ADGRL2: variants seen among roughly 807,000 people sequenced by gnomAD.
The protein encoded by ADGRL2 is calcium-independent alpha-latrotoxin receptor 2.
A neutral mutation model predicts 157.4 loss-of-function variants in ADGRL2; 44 were observed. The ratio of observed to expected loss-of-function variants is 0.28; its 90% CI spans 0.22 to 0.36. The LOEUF is 0.36. ADGRL2 is among the 10% of genes least tolerant of loss of function. The pLI is 1.00. For synonymous variants in ADGRL2, 585 were observed against 624.7 expected (o/e 0.94, Z 0.95); for missense variants, 1,510 against 1,768.9 (o/e 0.85, Z 2.63).
intron 3 of ADGRL2, among the ~76,000 whole-genome samples, chr1:81,620,214 G>A (rs781122126): frequency 6.6e-6 from 1 of 152,086 alleles, no homozygotes; most frequent in Admixed American, 6.5e-5. Context: ...CAATACATAG[G>A]CAATACTGGT....
At chr1:81,895,582 A>G (rs888866980) in intron 2 of ADGRL2, among the ~76,000 whole-genome samples, 5 of 151,654 alleles carry the variant, frequency 3.3e-5, no homozygotes, top group South Asian at 4.2e-4. Flanking sequence ...TTTAGTAGAG[A>G]CGGGGTTTCA....
chr1:81,797,366 A>C (rs709691), upstream of ADGRL2, among the ~76,000 whole-genome samples: 2 of 152,094 alleles, frequency 1.3e-5, no homozygotes, highest in East Asian at 3.9e-4. Flanking sequence ...GCAAAAATAC[A>C]CTCCCCATAA....
At chr1:81,868,276 C>T (rs533407985) in intron 2 of ADGRL2, among the ~76,000 whole-genome samples, 1 of 152,198 alleles carries the variant, frequency 6.6e-6, no homozygotes, top group Non-Finnish European at 1.5e-5. Flanking sequence ...GACTAAATTA[C>T]AAATAGGGTA....
intron 2 of ADGRL2, among the ~76,000 whole-genome samples, chr1:81,563,109 C>T (rs1229313095): frequency 3.9e-5 from 6 of 152,110 alleles, no homozygotes; most frequent in African/African-American, 1.4e-4. Context: ...GAATGTTAGA[C>T]TGTTTACAGC....
In ADGRL2 at chr1:81,704,439, G is replaced by A. The variant is rs530580628; in HGVS notation, c.-143+4631G>A. Reference sequence around the variant, plus strand: ...GGCCTGGATATGGTCTAACAGGGGCGCTGAGCATTGAGATTCCTGGAGAGA... The same window carrying A: ...GGCCTGGATATGGTCTAACAGGGGCACTGAGCATTGAGATTCCTGGAGAGA... On this transcript the variant is annotated intron_variant, in intron 1 of 20. Coordinates refer to the ADGRL2 transcript ENST00000359929. Among the ~76,000 whole-genome samples the A allele has an allele frequency of 2.4e-3, 361 of 152,264 alleles. 2 individuals carry two copies. Among genetic ancestry groups the A allele is most frequent in the African/African-American group, 8.1e-3 (337 of 41,558 alleles).
chr1:81,641,727 A>C (rs1387058990), intron 3 of ADGRL2, among the ~76,000 whole-genome samples: 1 of 152,198 alleles, frequency 6.6e-6, no homozygotes, highest in Admixed American at 6.5e-5. Context: ...ATTAGGAAAA[A>C]GGAAATATCT....
intron 2 of ADGRL2, among the ~76,000 whole-genome samples, chr1:81,766,262 C>T (rs1001268755): frequency 6.6e-6 from 1 of 152,146 alleles, no homozygotes; most frequent in South Asian, 2.1e-4. Context: ...CTGTTAGTAG[C>T]CATTGCCTTT....
At chr1:81,843,564 G>A (rs754033459) in intron 2 of ADGRL2, among the ~76,000 whole-genome samples, 5 of 151,902 alleles carry the variant, frequency 3.3e-5, no homozygotes, top group Admixed American at 6.6e-5. Context: ...GCGATAATTC[G>A]GTTTTAAAAA....
chr1:81,389,139 C>A (rs1233055319), intron 1 of ADGRL2, among the ~76,000 whole-genome samples: 3 of 152,032 alleles, frequency 2.0e-5, no homozygotes, highest in East Asian at 1.9e-4. Context: ...CTTAAGAAAA[C>A]GTTTTTAATA....
At chr1:81,363,979 A>G (rs2076021633) in intron 1 of ADGRL2, among the ~76,000 whole-genome samples, 2 of 152,154 alleles carry the variant, frequency 1.3e-5, no homozygotes. Flanking sequence ...CACACTGCAA[A>G]TGACTTTTTT....
At chr1:81,448,193 G>A (rs1363505249) in intron 2 of ADGRL2, among the ~76,000 whole-genome samples, 1 of 130,760 alleles carries the variant, frequency 7.6e-6, no homozygotes, top group Non-Finnish European at 1.5e-5. Context: ...GGCCCAGGCT[G>A]GCATACAGTG....
intron 2 of ADGRL2, among the ~76,000 whole-genome samples, chr1:81,511,312 A>G (rs976964998): frequency 6.6e-6 from 1 of 150,914 alleles, no homozygotes; most frequent in Non-Finnish European, 1.5e-5. Flanking sequence ...AGGTTGTGGC[A>G]ATAGAATCCC....
At chr1:81,801,895 G>T (rs550069902) in intron 1 of ADGRL2, among the ~76,000 whole-genome samples, 152 of 152,234 alleles carry the variant, frequency 1.0e-3, no homozygotes, top group African/African-American at 3.5e-3. Context: ...CTAAGGGAGC[G>T]TGCGGTCTGG....
chr1:81,859,121 C>G (rs1394680860), intron 2 of ADGRL2, among the ~76,000 whole-genome samples: 1 of 149,288 alleles, frequency 6.7e-6, no homozygotes, highest in African/African-American at 2.5e-5. Context: ...AAATAATGGA[C>G]AGTTTAAGAT....
intron 3 of ADGRL2, among the ~76,000 whole-genome samples, chr1:81,619,232 T>G (rs148193387): frequency 6.6e-6 from 1 of 151,698 alleles, no homozygotes; most frequent in Non-Finnish European, 1.5e-5. Flanking sequence ...CTGGAACGTA[T>G]CACTGTTTAT....
At chr1:81,320,933 TCTC>T (rs1344270685) in intron 1 of ADGRL2, among the ~76,000 whole-genome samples, 2 of 152,218 alleles carry the variant, frequency 1.3e-5, no homozygotes, top group African/African-American at 2.4e-5. Context: ...AGCATCGACT[TCTC>T]CTCTCTAGCT....
intron 2 of ADGRL2, among the ~76,000 whole-genome samples, chr1:81,859,228 G>A (rs1425342342): frequency 6.6e-6 from 1 of 151,944 alleles, no homozygotes; most frequent in Non-Finnish European, 1.5e-5. Context: ...ACATGATTTT[G>A]TATACATGTA....
chr1:81,835,878 A>G (rs1241647369), intron 1 of ADGRL2, among the ~76,000 whole-genome samples: 2 of 152,028 alleles, frequency 1.3e-5, no homozygotes, highest in Admixed American at 6.6e-5. Context: ...TAGTACCTTT[A>G]TAGGTAATAA....
chr1:81,940,836 T>G (rs1456504642), intron 4 of ADGRL2, among the ~76,000 whole-genome samples: 1 of 151,516 alleles, frequency 6.6e-6, no homozygotes, highest in Non-Finnish European at 1.5e-5. Context: ...TGTAAAGTAG[T>G]ATTTTATGGT....
Sources: allele counts gnomAD v4.1 joint callset (sites outside exome capture counted in the v4.1 genomes callset), GRCh38; gene constraint gnomAD v4.1.1; transcripts MANE v1.5; gene names NCBI Gene and HGNC (gene_info 2026-07-23, HGNC 2026-07-21).